PLEKHA7: variants seen among roughly 807,000 people sequenced by gnomAD.
PLEKHA7 encodes pleckstrin homology domain-containing family A member 7.
Under a neutral mutation model 170.0 loss-of-function variants are expected in PLEKHA7, and 104 were observed. That is an observed-to-expected ratio of 0.61 (90% CI 0.52 to 0.72). The LOEUF (loss-of-function observed/expected upper bound fraction) is 0.72. Among genes scored for constraint, PLEKHA7 ranks in the 30% least tolerant of loss-of-function variants. PLEKHA7 has a pLI of 0.00. For synonymous variants in PLEKHA7, 648 were observed against 660.8 expected, an observed-to-expected ratio of 0.98 and a Z score of 0.30; for missense variants, 1,615 against 1,671.7, an observed-to-expected ratio of 0.97 and a Z score of 0.59.
chr11:16,867,816 C>T (rs1854511951), intron 4 of PLEKHA7, among the ~76,000 whole-genome samples: 1 of 152,186 alleles, frequency 6.6e-6, no homozygotes, highest in South Asian at 2.1e-4. Flanking sequence ...GTGAATGACA[C>T]CTACACACAT....
intron 3 of PLEKHA7, among the ~76,000 whole-genome samples, chr11:16,891,515 G>A (rs960638408): frequency 6.6e-5 from 10 of 152,144 alleles, no homozygotes; most frequent in African/African-American, 2.4e-4. Flanking sequence ...TACTGTTGTG[G>A]TAATTTGTTA....
rs111313624 is a variant in PLEKHA7, at chr11:16,947,964, CAT to C, written c.221+66023_221+66024del. ...AAAGAAAAAAAGAAAAGAAAACATG[CAT>C]ATATATACATAATGGAACACTAGTC... On this transcript the variant is annotated intron_variant, in intron 3 of 26. Transcript: ENST00000531066. Among the ~76,000 whole-genome samples, 622 of 150,652 alleles carry C rather than the reference CAT, an allele frequency of 4.1e-3. 2 individuals are homozygous for C. The highest frequency in any genetic ancestry group is 0.014 in the African/African-American group (585 of 41,092).
chr11:16,914,405 G>T (rs1858485162), intron 3 of PLEKHA7, among the ~76,000 whole-genome samples: 2 of 152,126 alleles, frequency 1.3e-5, no homozygotes, highest in Admixed American at 1.3e-4. Flanking sequence ...AAGCAAACCG[G>T]TGACACTCAA....
At position 16,826,484 on chromosome 11, in the gene PLEKHA7, G is replaced by T. The variant is rs555123327; in HGVS notation, c.979C>A (p.Arg327Ser). Residue 327 changes from arginine (R) to serine (S), a missense_variant, in exon 10 of 27, where the codon CGT becomes AGT. Transcript: ENST00000531066. ...GPGHTRDCPH[R>S]GHDDIVNFER... ...AAGTTGACAATGTCATCATGGCCAC[G>T]ATGAGGACAATCTCTCGTATGTCCG... 5 of 1,614,084 alleles carry T rather than the reference G, an allele frequency of 3.1e-6. No individual in the cohort carries two copies. In the African/African-American group the frequency reaches 5.3e-5, roughly 17 times the overall value.
Position 16,851,101 on chromosome 11 carries a change from C to T in PLEKHA7, c.696+90G>A, listed in dbSNP as rs773249019. The stretch of plus-strand genomic sequence containing the variant: ...TCTGAAACTCTCTAGCTTCTTCCCC[C>T]TCCCGACAAAAGCAACTGCTTTTAT... On this transcript the variant is annotated intron_variant, in intron 8 of 26. Transcript: ENST00000531066. 188 of 992,660 alleles carry T rather than the reference C, an allele frequency of 1.9e-4. 2 individuals carry two copies. The highest frequency in any genetic ancestry group is 1.1e-4 in the Non-Finnish European group (78 of 691,800). 61.5% of individuals were successfully genotyped at this position (992,660 alleles called of 1,614,324 possible).
intron 17 of PLEKHA7, among the ~76,000 whole-genome samples, chr11:16,799,541 TA>T (rs1466032734): frequency 6.6e-6 from 1 of 152,014 alleles, no homozygotes; most frequent in African/African-American, 2.4e-5. Flanking sequence ...ATGAAAAGCT[TA>T]AAAAAATTAC....
chr11:16,979,124 G>A (rs528883627), intron 3 of PLEKHA7, among the ~76,000 whole-genome samples: 283 of 152,262 alleles, frequency 1.9e-3, no homozygotes, highest in Middle Eastern at 3.4e-3. Flanking sequence ...TGCAACCTCC[G>A]CCTCCCGGGT....
intron 8 of PLEKHA7, among the ~76,000 whole-genome samples, chr11:16,846,783 G>C (rs1179379151): frequency 6.6e-6 from 1 of 152,156 alleles, no homozygotes; most frequent in African/African-American, 2.4e-5. Context: ...CCATATCTTG[G>C]GAGGTATAAG....
chr11:16,982,361 C>A (rs532713201), intron 3 of PLEKHA7, among the ~76,000 whole-genome samples: 2 of 152,232 alleles, frequency 1.3e-5, no homozygotes, highest in African/African-American at 4.8e-5. Flanking sequence ...GAGCCAGTTG[C>A]CCCTGGCTAC....
intron 3 of PLEKHA7, among the ~76,000 whole-genome samples, chr11:16,891,475 G>T (rs1011581776): frequency 2.6e-5 from 4 of 152,220 alleles, no homozygotes; most frequent in African/African-American, 9.7e-5. Context: ...CTCTGGAAAT[G>T]TAAGAGAATA....
intron 13 of PLEKHA7, among the ~76,000 whole-genome samples, chr11:16,811,808 TA>T (rs766411266): frequency 4.6e-5 from 7 of 152,166 alleles, no homozygotes; most frequent in Non-Finnish European, 1.0e-4. Context: ...CTGCATGACC[TA>T]GTGCCACCTC....
At chr11:16,925,107 C>T (rs1182299703) in intron 3 of PLEKHA7, among the ~76,000 whole-genome samples, 3 of 152,214 alleles carry the variant, frequency 2.0e-5, no homozygotes, top group Admixed American at 6.5e-5. Flanking sequence ...CTTTGCCCAC[C>T]TCCCGGTCCC....
intron 16 of PLEKHA7, 89 bp downstream of exon 16, chr11:16,801,577 GAC>G: frequency 2.0e-6 from 3 of 1,504,818 alleles, no homozygotes; most frequent in Non-Finnish European, 2.7e-6. Flanking sequence ...CTTGCCTCTG[GAC>G]ACCAACTCAA....
At chr11:16,937,660 G>T (rs573676833) in intron 3 of PLEKHA7, among the ~76,000 whole-genome samples, 1 of 151,956 alleles carries the variant, frequency 6.6e-6, no homozygotes, top group African/African-American at 2.4e-5. Context: ...CCAAGCTGGG[G>T]TGCAATGGCG....
chr11:16,802,814 G>A (rs1469385537), intron 15 of PLEKHA7, among the ~76,000 whole-genome samples, 158 bp downstream of exon 15: 1 of 152,112 alleles, frequency 6.6e-6, no homozygotes, highest in Non-Finnish European at 1.5e-5. Context: ...CCAAAGTGCT[G>A]AGATTACAGG....
chr11:16,968,926 T>G (rs1461355431), intron 3 of PLEKHA7, among the ~76,000 whole-genome samples: 1 of 152,240 alleles, frequency 6.6e-6, no homozygotes, highest in Non-Finnish European at 1.5e-5. Context: ...CAAGAAGTTC[T>G]TAATGTCTAA....
In PLEKHA7 at chr11:16,791,748, C is replaced by T; in HGVS notation, c.2746-549G>A. ...AAATGTGCATGGTTACAAAATATTT[C>T]CTCCTTCCTGACTCAGACAGAACAG... is the stretch of plus-strand genomic sequence containing the variant. On this transcript the variant is annotated intron_variant, in intron 19 of 26. Transcript: ENST00000531066. This position sits in a 1 kb window ranked among gnomAD's most constrained non-coding sequence, Gnocchi z 4.5. The T allele has an allele frequency of 2.2e-6, 1 of 448,764 alleles. No individual in the cohort carries two copies. Among genetic ancestry groups the T allele is most frequent in the Non-Finnish European group, 4.5e-6 (1 of 222,346 alleles). 27.8% of individuals were successfully genotyped at this position (448,764 alleles called of 1,614,324 possible). A position where few individuals can be genotyped will look rare whatever the true frequency, so the allele number is the denominator to read the frequency against.
chr11:16,845,105 A>G (rs1485440974), intron 8 of PLEKHA7, among the ~76,000 whole-genome samples: 1 of 152,204 alleles, frequency 6.6e-6, no homozygotes, highest in African/African-American at 2.4e-5. Context: ...GCTGCCTTCT[A>G]CGTAGTAGGT....
chr11:16,782,685 A>T, intron 26 of PLEKHA7, 69 bp downstream of exon 26: 1 of 1,517,194 alleles, frequency 6.6e-7, no homozygotes, highest in Non-Finnish European at 8.8e-7. Flanking sequence ...GGAACAGGCC[A>T]TGCTGGGCCC....
Sources: allele counts gnomAD v4.1 joint callset (sites outside exome capture counted in the v4.1 genomes callset), GRCh38; gene constraint gnomAD v4.1.1; non-coding constraint Gnocchi (gnomAD v3.1); transcripts MANE v1.5; gene names NCBI Gene and HGNC (gene_info 2026-07-23, HGNC 2026-07-21).